Variants in FAM168A observed in about 807,000 individuals in gnomAD.
The protein encoded by FAM168A is protein FAM168A.
A neutral mutation model predicts 28.5 loss-of-function variants in FAM168A; 3 were observed. The observed-to-expected ratio is 0.11, with a 90% CI of 0.05 to 0.27. The LOEUF (loss-of-function observed/expected upper bound fraction) is 0.27. FAM168A is among the 10% of genes least tolerant of loss of function. The pLI, the probability that FAM168A is intolerant of heterozygous loss-of-function variation, is 1.00. For synonymous variants in FAM168A, 122 were observed against 124.2 expected, an observed-to-expected ratio of 0.98 and a Z score of 0.12; for missense variants, 222 against 311.5, an observed-to-expected ratio of 0.71 and a Z score of 2.16.
At chr11:73,484,614 A>G (rs138772551) in intron 1 of FAM168A, among the ~76,000 whole-genome samples, 17 of 118,932 alleles carry the variant, frequency 1.4e-4, no homozygotes, top group African/African-American at 4.2e-4. Flanking sequence ...ATATCGATAT[A>G]TATCTATATA....
At chr11:73,495,388 T>G (rs1854851574) in intron 1 of FAM168A, among the ~76,000 whole-genome samples, 1 of 152,092 alleles carries the variant, frequency 6.6e-6, no homozygotes, top group Non-Finnish European at 1.5e-5. Context: ...ATGTCAAGAA[T>G]AACCCAATCA....
At chr11:73,445,220 T>C (rs1867279406) in intron 2 of FAM168A, among the ~76,000 whole-genome samples, 1 of 151,298 alleles carries the variant, frequency 6.6e-6, no homozygotes, top group Admixed American at 6.6e-5. Flanking sequence ...GATGGCGACA[T>C]TGCACTCCAG....
intron 1 of FAM168A, among the ~76,000 whole-genome samples, chr11:73,474,379 T>C (rs978599121): frequency 2.0e-5 from 3 of 152,084 alleles, no homozygotes; most frequent in Admixed American, 2.0e-4. Context: ...CAGGCTGGAC[T>C]GCAATGTCTA....
At chr11:73,454,114 T>C (rs562616024) in intron 2 of FAM168A, among the ~76,000 whole-genome samples, 6 of 152,334 alleles carry the variant, frequency 3.9e-5, no homozygotes, top group African/African-American at 1.2e-4. Flanking sequence ...GTAAGGGTAC[T>C]GAGCTCACCT....
Position 73,405,851 on chromosome 11 carries a change from G to A in FAM168A, c.*912C>T, listed in dbSNP as rs968810311. ...AAGCTCCTCATCAGAGTGGGTCCAT[G>A]ACAGCTCAGAGGCTGAAGTCTGGAT... On this transcript the variant is annotated 3_prime_UTR_variant, in exon 8 of 8. Transcript: ENST00000356467. 6.6e-6 allele frequency: 1 copy of A among 152,476 alleles called. No individual in the cohort carries two copies. The highest frequency in any genetic ancestry group is 2.4e-5 in the African/African-American group (1 of 41,450). 9.4% of individuals were successfully genotyped at this position (152,476 alleles called of 1,614,324 possible).
At chr11:73,488,289 C>T (rs950321797) in intron 1 of FAM168A, among the ~76,000 whole-genome samples, 3 of 151,984 alleles carry the variant, frequency 2.0e-5, no homozygotes, top group African/African-American at 7.3e-5. Flanking sequence ...TGCCACCGTA[C>T]TTGGCTAATG....
At chr11:73,588,144 G>A (rs1944337938) in intron 1 of FAM168A, among the ~76,000 whole-genome samples, 1 of 152,158 alleles carries the variant, frequency 6.6e-6, no homozygotes, top group Non-Finnish European at 1.5e-5. Context: ...AACTGTACTG[G>A]CTGCTTTAAT....
intron 1 of FAM168A, among the ~76,000 whole-genome samples, chr11:73,568,619 G>A (rs977639019): frequency 7.2e-5 from 11 of 152,238 alleles, no homozygotes; most frequent in South Asian, 6.2e-4. Flanking sequence ...ACCCTTGGTC[G>A]GGGGTAATGG....
chr11:73,429,297 T>C (rs987787673), intron 3 of FAM168A, among the ~76,000 whole-genome samples: 43 of 152,226 alleles, frequency 2.8e-4, no homozygotes, highest in Admixed American at 2.8e-3. Context: ...CATATGTGGC[T>C]GCTGACTCAC....
At chr11:73,424,344 C>T (rs1164315846) in intron 3 of FAM168A, among the ~76,000 whole-genome samples, 1 of 152,208 alleles carries the variant, frequency 6.6e-6, no homozygotes, top group East Asian at 1.9e-4. Flanking sequence ...AAGTCCCTCC[C>T]ATGGTCCCTT....
chr11:73,573,206 G>T (rs531765105), intron 1 of FAM168A, among the ~76,000 whole-genome samples: 1 of 152,022 alleles, frequency 6.6e-6, no homozygotes, highest in Non-Finnish European at 1.5e-5. Flanking sequence ...GTAGAAAGAG[G>T]AATGAAAAAA....
chr11:73,477,913 G>A (rs1300657847), intron 1 of FAM168A, among the ~76,000 whole-genome samples: 1 of 145,518 alleles, frequency 6.9e-6, no homozygotes, highest in South Asian at 2.2e-4. Context: ...CACCAGGAAA[G>A]CTGATATGTA....
At chr11:73,521,990 A>G (rs1943386992) in intron 1 of FAM168A, among the ~76,000 whole-genome samples, 1 of 152,202 alleles carries the variant, frequency 6.6e-6, no homozygotes, top group Admixed American at 6.5e-5. Flanking sequence ...TTGAAACTGT[A>G]CCCTAGAAAA....
chr11:73,561,096 C>T (rs930045024), intron 1 of FAM168A, among the ~76,000 whole-genome samples: 4 of 149,752 alleles, frequency 2.7e-5, no homozygotes, highest in African/African-American at 5.0e-5. Flanking sequence ...AGACCGGGCG[C>T]GGTGGCGGTG....
intron 1 of FAM168A, among the ~76,000 whole-genome samples, chr11:73,522,747 T>C (rs185097039): frequency 4.8e-5 from 7 of 145,786 alleles, no homozygotes; most frequent in Middle Eastern, 3.5e-3. Flanking sequence ...GCATGGTGGC[T>C]CACGCCTGTA....
intron 1 of FAM168A, among the ~76,000 whole-genome samples, chr11:73,482,474 G>C (rs995016052): frequency 5.9e-5 from 9 of 151,818 alleles, no homozygotes; most frequent in Middle Eastern, 3.4e-3. Context: ...AGTCTTCCTG[G>C]GTATTTTAGA....
intron 1 of FAM168A, among the ~76,000 whole-genome samples, chr11:73,586,123 G>A (rs1377626834): frequency 6.6e-6 from 1 of 152,090 alleles, no homozygotes; most frequent in Non-Finnish European, 1.5e-5. Context: ...AATAATCAGT[G>A]AGACACTGTC....
intron 1 of FAM168A, among the ~76,000 whole-genome samples, chr11:73,565,940 T>C (rs1944016516): frequency 6.6e-6 from 1 of 152,228 alleles, no homozygotes; most frequent in Non-Finnish European, 1.5e-5. Context: ...TGTGCAGGGC[T>C]CAAGCTGAGA....
chr11:73,544,964 A>C (rs566144757), intron 1 of FAM168A, among the ~76,000 whole-genome samples: 16 of 90,026 alleles, frequency 1.8e-4, no homozygotes, highest in East Asian at 2.4e-4. Flanking sequence ...ATTATATATA[A>C]TATATATTAT....
Sources: gnomAD v4.1 joint callset for allele counts (sites outside exome capture counted in the v4.1 genomes callset) on GRCh38, gnomAD v4.1.1 for gene constraint, MANE v1.5 for transcripts, NCBI Gene and HGNC (gene_info 2026-07-23, HGNC 2026-07-21) for gene names.